The following RBM39 variants were observed in gnomAD, a reference collection of about 807,000 sequenced individuals.
RBM39 encodes the protein RNA binding motif protein 39.
Under a neutral mutation model 79.6 loss-of-function variants are expected in RBM39, and 12 were observed. That is an observed-to-expected ratio of 0.15 (90% CI 0.10 to 0.24). RBM39 has a LOEUF of 0.24. Ranked by LOEUF, RBM39 falls within the 10% of genes least tolerant of loss-of-function variation. The pLI is 1.00. For synonymous variants in RBM39, 185 were observed against 208.4 expected, an observed-to-expected ratio of 0.89 and a Z score of 0.97; for missense variants, 243 against 653.4, an observed-to-expected ratio of 0.37 and a Z score of 6.85.
At chr20:35,707,422 T>C (rs377336686) in intron 13 of RBM39, 13 of 341,702 alleles carry the variant, frequency 3.8e-5, no homozygotes, top group Admixed American at 1.4e-4. Context: ...TTCAGAAATT[T>C]GGGAGTCCTA....
chr20:35,708,248 G>GT (rs1178325602), intron 13 of RBM39, among the ~76,000 whole-genome samples: 4 of 151,876 alleles, frequency 2.6e-5, no homozygotes, highest in African/African-American at 4.8e-5. Flanking sequence ...ATTCGAGAGT[G>GT]TATTATAACT....
At chr20:35,723,528 T>A (rs1321520167) in intron 8 of RBM39, among the ~76,000 whole-genome samples, 1 of 152,168 alleles carries the variant, frequency 6.6e-6, no homozygotes, top group East Asian at 1.9e-4. Flanking sequence ...AACCTCTGCC[T>A]CCTGGGTTTA....
At chr20:35,736,576 GAA>G (rs1401791720) in intron 3 of RBM39, 2 of 470,726 alleles carry the variant, frequency 4.2e-6, no homozygotes, top group Non-Finnish European at 8.8e-6. Context: ...ATCTTAGGAG[GAA>G]AAGAGCCAAA....
intron 8 of RBM39, among the ~76,000 whole-genome samples, chr20:35,722,607 A>G (rs1259492433): frequency 6.6e-6 from 1 of 151,670 alleles, no homozygotes; most frequent in Non-Finnish European, 1.5e-5. Context: ...CTTATTTTAG[A>G]ATGTTTTCAG....
Position 35,704,337 on chromosome 20 carries a change from A to G in RBM39, c.*144T>C. On this transcript the variant is annotated 3_prime_UTR_variant, in exon 17 of 17. Coordinates refer to ENST00000253363, the MANE Select transcript of RBM39 (RefSeq NM_184234.3). ...ATGAGCACACTGCATTCCTGTTAAC[A>G]TTTTTATTTTTTCAAGGTAACAGGA... 1 of 614,208 alleles carries G rather than the reference A, an allele frequency of 1.6e-6. No individual in the cohort carries two copies. Among genetic ancestry groups the G allele is most frequent in the African/African-American group, 1.8e-5 (1 of 54,092 alleles). 38.0% of individuals were successfully genotyped at this position (614,208 alleles called of 1,614,324 possible).
chr20:35,712,919 T>G (rs1209515475), intron 12 of RBM39, 100 bp downstream of exon 12: 1 of 877,486 alleles, frequency 1.1e-6, no homozygotes, highest in Admixed American at 2.7e-5. Flanking sequence ...AAGTACTTGA[T>G]GAATTGAATT....
intron 10 of RBM39, among the ~76,000 whole-genome samples, chr20:35,714,751 C>G (rs1012223592): frequency 1.3e-5 from 2 of 152,096 alleles, no homozygotes; most frequent in Non-Finnish European, 2.9e-5. Context: ...GAATTTAGTA[C>G]TTTTCTAACA....
At position 35,702,978 on chromosome 20, in the gene RBM39, A is replaced by T. The variant is rs2035353592; in HGVS notation, c.*1503T>A. ...AATCACTAGAACAATTATTGGGATA[A>T]ATGTCAAACAAAACGACTGATATGA... On this transcript the variant is annotated 3_prime_UTR_variant, in exon 17 of 17. Transcript: ENST00000253363. The T allele has an allele frequency of 6.6e-6, 1 of 152,112 alleles. No individual in the cohort carries two copies. The highest frequency in any genetic ancestry group is 2.1e-4 in the South Asian group (1 of 4,828). The allele number at this position is 152,112 out of a possible 1,614,324, so 9.4% of individuals were successfully genotyped here. A position where few individuals can be genotyped will look rare whatever the true frequency, so the allele number is the denominator to read the frequency against.
chr20:35,735,017 G>C (rs754853789), intron 3 of RBM39: 1 of 1,608,786 alleles, frequency 6.2e-7, no homozygotes, highest in Non-Finnish European at 8.5e-7. Flanking sequence ...CAGTAAAGGT[G>C]TTTTGCTATA....
At chr20:35,725,375 C>T (rs6060582) in intron 6 of RBM39, among the ~76,000 whole-genome samples, 39,200 of 151,946 alleles carry the variant, frequency 0.26, 5,856 homozygotes, top group African/African-American at 0.42. Context: ...AACAATATTT[C>T]CATCTTTAGA....
At chr20:35,719,002 GCTT>G (rs147140484) in intron 9 of RBM39, among the ~76,000 whole-genome samples, 1,932 of 152,072 alleles carry the variant, frequency 0.013, 28 homozygotes, top group African/African-American at 0.043. Context: ...TTTAAAAAGG[GCTT>G]CTTATTAAAG....
chr20:35,735,230 A>C, intron 3 of RBM39: 1 of 1,224,714 alleles, frequency 8.2e-7, no homozygotes, highest in Non-Finnish European at 1.1e-6. Context: ...ATGGACGCTG[A>C]TTTAGACTTT....
chr20:35,723,501 T>G (rs1456184618), intron 8 of RBM39, among the ~76,000 whole-genome samples: 1 of 152,174 alleles, frequency 6.6e-6, no homozygotes, highest in Admixed American at 6.5e-5. Context: ...TGCAATGGCG[T>G]GATCTTGCCT....
intron 9 of RBM39, 54 bp from the exon 10 acceptor site, chr20:35,716,859 T>G: frequency 8.2e-7 from 1 of 1,226,058 alleles, no homozygotes. Flanking sequence ...CAAAACTACT[T>G]TCTTCCCTGA....
chr20:35,729,568 G>C (rs767473695), intron 4 of RBM39, 41 bp from the exon 5 acceptor site: 3 of 1,576,252 alleles, frequency 1.9e-6, no homozygotes, highest in Middle Eastern at 3.5e-4. Flanking sequence ...ACAGGTTTAG[G>C]GTCTTGCTAA....
At chr20:35,722,023 G>A (rs1307304971) in intron 8 of RBM39, 146 bp from the exon 9 acceptor site, 2 of 898,010 alleles carry the variant, frequency 2.2e-6, no homozygotes, top group Admixed American at 2.8e-5. Context: ...CAACTTAATA[G>A]GAGGCATCTA....
At chr20:35,724,540 A>C in intron 8 of RBM39, 30 bp downstream of exon 8, 1 of 1,608,756 alleles carries the variant, frequency 6.2e-7, no homozygotes, top group South Asian at 1.1e-5. Flanking sequence ...CACCACCAAT[A>C]ATCAAACTCT....
chr20:35,733,511 A>G (rs1600611017), intron 3 of RBM39, among the ~76,000 whole-genome samples: 1 of 152,092 alleles, frequency 6.6e-6, no homozygotes, highest in South Asian at 2.1e-4. Context: ...GTGGAGGCTG[A>G]GGCAGGAGAA....
At chr20:35,717,300 A>C (rs200628463) in intron 9 of RBM39, among the ~76,000 whole-genome samples, 6 of 152,030 alleles carry the variant, frequency 3.9e-5, no homozygotes, top group Non-Finnish European at 8.8e-5. Flanking sequence ...ACAAAAACAA[A>C]AAAAAAAAAC....
Sources: allele counts gnomAD v4.1 joint callset (sites outside exome capture counted in the v4.1 genomes callset), GRCh38; gene constraint gnomAD v4.1.1; transcripts MANE v1.5; gene names NCBI Gene and HGNC (gene_info 2026-07-23, HGNC 2026-07-21).